Variants in GCNT2 observed in about 807,000 individuals in gnomAD.
GCNT2 encodes the protein N-acetyllactosaminide beta-1,6-N-acetylglucosaminyl-transferase.
GCNT2 carries 34 observed loss-of-function variants against 34.2 expected under a neutral mutation model. The observed-to-expected ratio is 1.00, with a 90% confidence interval of 0.76 to 1.32. The LOEUF is 1.32. Among genes scored for constraint, GCNT2 ranks in the 40% most tolerant of loss-of-function variants. GCNT2 has a pLI of 0.00. For missense variants in GCNT2, 584 were observed against 489.4 expected (o/e 1.19, Z -1.82); for synonymous variants, 212 against 188.0 (o/e 1.13, Z -1.04).
intron 3 of GCNT2, among the ~76,000 whole-genome samples, chr6:10,616,447 A>T (rs1054582756): frequency 1.3e-5 from 2 of 152,212 alleles, no homozygotes; most frequent in African/African-American, 4.8e-5. Context: ...GGCCCCACCC[A>T]CATCCTGCTG....
At chr6:10,570,299 C>G (rs1476674868) in intron 3 of GCNT2, among the ~76,000 whole-genome samples, 2 of 152,184 alleles carry the variant, frequency 1.3e-5, no homozygotes, top group Non-Finnish European at 2.9e-5. Flanking sequence ...TCCCCAAATC[C>G]ATTTACCTTG....
intron 3 of GCNT2, among the ~76,000 whole-genome samples, chr6:10,562,656 G>GAAAAAAA (rs57868433): frequency 1.4e-4 from 11 of 77,522 alleles, no homozygotes; most frequent in Non-Finnish European, 1.9e-4. Flanking sequence ...GAACTTCTCT[G>GAAAAAAA]AAAAAAAAAA....
chr6:10,539,353 C>A (rs958964347), intron 3 of GCNT2, among the ~76,000 whole-genome samples: 2 of 151,744 alleles, frequency 1.3e-5, no homozygotes, highest in Non-Finnish European at 2.9e-5. Flanking sequence ...CCACGCCTGG[C>A]AAATTTTGTA....
intron 3 of GCNT2, 111 bp downstream of exon 3, chr6:10,529,947 A>C: frequency 2.2e-6 from 2 of 917,268 alleles, no homozygotes; most frequent in Non-Finnish European, 3.4e-6. Flanking sequence ...TTACGGTTTT[A>C]AATGTCAAAT....
At chr6:10,533,468 AAAG>A (rs1033440216) in intron 3 of GCNT2, among the ~76,000 whole-genome samples, 7 of 151,618 alleles carry the variant, frequency 4.6e-5, no homozygotes, top group African/African-American at 9.7e-5. Context: ...AAAGAAGTAA[AAAG>A]AAGCAGATAA....
intron 3 of GCNT2, among the ~76,000 whole-genome samples, chr6:10,599,060 C>G (rs1162283856): frequency 1.3e-5 from 2 of 152,134 alleles, no homozygotes; most frequent in Admixed American, 1.3e-4. Context: ...AGAAAAAATG[C>G]AGTCCCCCAA....
chr6:10,581,923 A>G, intron 3 of GCNT2: 2 of 952,904 alleles, frequency 2.1e-6, no homozygotes, highest in Non-Finnish European at 2.5e-6. Context: ...ATACAGTCAC[A>G]TTTCTAGAGT....
chr6:10,528,043 T>C (rs931920883), intron 2 of GCNT2, among the ~76,000 whole-genome samples: 1 of 152,204 alleles, frequency 6.6e-6, no homozygotes, highest in African/African-American at 2.4e-5. Context: ...TGTTAGCCTG[T>C]ATGCAATTTT....
chr6:10,533,288 AGAGT>A (rs1434846555), intron 3 of GCNT2, among the ~76,000 whole-genome samples: 2 of 152,106 alleles, frequency 1.3e-5, no homozygotes, highest in Non-Finnish European at 2.9e-5. Flanking sequence ...TCTGGGCGAC[AGAGT>A]GAGACTCCAT....
chr6:10,586,793 G>A (rs747525414), intron 3 of GCNT2: 19 of 1,613,626 alleles, frequency 1.2e-5, no homozygotes, highest in East Asian at 6.7e-5. Context: ...CCTATGTGGC[G>A]CTTACCAGAG....
intron 3 of GCNT2, chr6:10,619,506 AGCCT>A (rs1561841573): frequency 6.6e-6 from 1 of 151,956 alleles, no homozygotes; most frequent in African/African-American, 2.4e-5. Context: ...GGAGTCACAA[AGCCT>A]GCCTAATTTT....
chr6:10,551,138 A>G (rs1487117789), intron 3 of GCNT2, among the ~76,000 whole-genome samples: 2 of 152,118 alleles, frequency 1.3e-5, no homozygotes, highest in East Asian at 1.9e-4. Context: ...CATTTTTCCA[A>G]TTGTTAGATG....
intron 3 of GCNT2, among the ~76,000 whole-genome samples, chr6:10,538,198 A>C (rs1370450506): frequency 6.6e-6 from 1 of 151,766 alleles, no homozygotes; most frequent in Non-Finnish European, 1.5e-5. Flanking sequence ...ACCTGAGGTC[A>C]GCAGTTCGAG....
chr6:10,619,822 G>C (rs561143502), intron 3 of GCNT2, among the ~76,000 whole-genome samples: 44 of 152,348 alleles, frequency 2.9e-4, no homozygotes, highest in South Asian at 2.1e-3. Flanking sequence ...TCAGGTTCCT[G>C]TCTGTAGGCT....
chr6:10,533,581 A>G (rs1761601094), intron 3 of GCNT2, among the ~76,000 whole-genome samples: 1 of 151,792 alleles, frequency 6.6e-6, no homozygotes, highest in Non-Finnish European at 1.5e-5. Flanking sequence ...TGAGGTCAGG[A>G]GTTTGAGACC....
intron 3 of GCNT2, among the ~76,000 whole-genome samples, chr6:10,597,881 A>T (rs1764927137): frequency 6.6e-6 from 1 of 152,260 alleles, no homozygotes; most frequent in African/African-American, 2.4e-5. Context: ...AAGCAAATGG[A>T]AAGTAAGGAT....
chr6:10,576,224 G>C (rs1763804604), intron 3 of GCNT2, among the ~76,000 whole-genome samples: 1 of 152,204 alleles, frequency 6.6e-6, no homozygotes, highest in Admixed American at 6.5e-5. Context: ...GACATGAAGA[G>C]TTGTAGGAAA....
intron 3 of GCNT2, among the ~76,000 whole-genome samples, chr6:10,596,350 C>T (rs764244531): frequency 3.9e-5 from 6 of 152,004 alleles, no homozygotes; most frequent in South Asian, 2.1e-4. Context: ...GGTGAAACCC[C>T]GTCTCTACTA....
chr6:10,546,678 A>G (rs1044770297), intron 3 of GCNT2, among the ~76,000 whole-genome samples: 1 of 152,052 alleles, frequency 6.6e-6, no homozygotes, highest in Non-Finnish European at 1.5e-5. Context: ...AAAAGAAAAT[A>G]TTACTCTTTG....
Sources: allele counts gnomAD v4.1 joint callset (sites outside exome capture counted in the v4.1 genomes callset), GRCh38; gene constraint gnomAD v4.1.1; transcripts MANE v1.5; gene names NCBI Gene and HGNC (gene_info 2026-07-23, HGNC 2026-07-21).